PLXNA2: variants seen among roughly 807,000 people sequenced by gnomAD.
The protein encoded by PLXNA2 is plexin A2, also known as plexin-A2.
PLXNA2 carries 91 observed loss-of-function variants against 193.5 expected under a neutral mutation model. That is an observed-to-expected ratio of 0.47 (90% CI 0.40 to 0.56). The LOEUF (loss-of-function observed/expected upper bound fraction) is 0.56. Among genes scored for constraint, PLXNA2 ranks in the 20% least tolerant of loss-of-function variants. The pLI, the probability that PLXNA2 is intolerant of heterozygous loss-of-function variation, is 0.00. For missense variants in PLXNA2, 1,995 were observed against 2,503.2 expected (o/e 0.80, Z 4.33); for synonymous variants, 997 against 1,027.3 (o/e 0.97, Z 0.56).
intron 4 of PLXNA2, among the ~76,000 whole-genome samples, chr1:208,125,797 T>C (rs1667958158): frequency 6.6e-6 from 1 of 152,152 alleles, no homozygotes; most frequent in Admixed American, 6.5e-5. Flanking sequence ...ATAGGCTGCT[T>C]CCAACCTGCA....
At chr1:208,031,235 C>A in intron 29 of PLXNA2, 3 of 1,090,092 alleles carry the variant, frequency 2.8e-6, no homozygotes, top group Non-Finnish European at 3.4e-6. Context: ...CTGCTGCAGG[C>A]TTCAAATGCA....
chr1:208,129,014 T>C (rs913179324), intron 4 of PLXNA2, among the ~76,000 whole-genome samples: 1 of 152,194 alleles, frequency 6.6e-6, no homozygotes, highest in Non-Finnish European at 1.5e-5. Context: ...CTTGAGTACC[T>C]ACTAAGTACC....
chr1:208,095,618 C>T (rs191394034), intron 8 of PLXNA2, among the ~76,000 whole-genome samples: 12 of 152,238 alleles, frequency 7.9e-5, no homozygotes, highest in Non-Finnish European at 1.3e-4. Context: ...TGTGCATAGC[C>T]GAGTCGCTAT....
rs1289521418 is a variant in PLXNA2, at chr1:208,043,716, T to TG, written c.3875-514dup. Among the ~76,000 whole-genome samples the TG allele has an allele frequency of 3.3e-5, 5 of 152,222 alleles. No homozygotes were observed. In the South Asian group the frequency reaches 1.0e-3, roughly 32 times the overall value. On this transcript the variant is annotated intron_variant, in intron 20 of 31. Coordinates refer to ENST00000367033, the MANE Select transcript of PLXNA2 (RefSeq NM_025179.4). The stretch of plus-strand genomic sequence containing the variant: ...CTTGGTGGTGGCACACCTGTCTTCC[T>TG]GGCTCCTTCCTCTGCCAAACTCACC...
At chr1:208,113,900 C>T (rs1399944365) in intron 4 of PLXNA2, among the ~76,000 whole-genome samples, 1 of 152,016 alleles carries the variant, frequency 6.6e-6, no homozygotes, top group Admixed American at 6.6e-5. Flanking sequence ...CCTTTTTAAG[C>T]ATAGAAGGTG....
intron 1 of PLXNA2, among the ~76,000 whole-genome samples, chr1:208,225,482 AT>A (rs1671480612): frequency 6.6e-6 from 1 of 152,036 alleles, no homozygotes; most frequent in East Asian, 1.9e-4. Context: ...GCTAATTTTT[AT>A]TTTTATTTTT....
rs1664970521 is a variant in PLXNA2, at chr1:208,044,092, T to C, written c.3874+416A>G. ...CCCTGGGGGAGATGAGGCAGGTGCT[T>C]GTCTGCCTTTGCTGCCGCTGCTCCC... On this transcript the variant is annotated intron_variant, in intron 20 of 31. Transcript: ENST00000367033. The surrounding 1 kb of genome is among the most constrained non-coding windows in gnomAD (Gnocchi z 4.9). Among the ~76,000 whole-genome samples, 1 of 152,178 alleles carries C rather than the reference T, an allele frequency of 6.6e-6. No individual in the cohort carries two copies. Among genetic ancestry groups the C allele is most frequent in the Non-Finnish European group, 1.5e-5 (1 of 68,038 alleles).
intron 5 of PLXNA2, among the ~76,000 whole-genome samples, chr1:208,102,852 T>C (rs1667140004): frequency 6.6e-6 from 1 of 152,212 alleles, no homozygotes; most frequent in African/African-American, 2.4e-5. Flanking sequence ...AAGACTACAG[T>C]ATCCCTTGTG....
At chr1:208,131,628 G>T (rs909531314) in intron 4 of PLXNA2, among the ~76,000 whole-genome samples, 1 of 152,074 alleles carries the variant, frequency 6.6e-6, no homozygotes, top group African/African-American at 2.4e-5. Context: ...TCTTACTTAG[G>T]GCCAGGGATT....
chr1:208,105,155 T>A (rs4844405), intron 4 of PLXNA2, among the ~76,000 whole-genome samples: 2 of 152,162 alleles, frequency 1.3e-5, no homozygotes, highest in African/African-American at 4.8e-5. Context: ...AGATCCTTCC[T>A]GGAGGGTGGC....
intron 11 of PLXNA2, among the ~76,000 whole-genome samples, chr1:208,080,124 T>C (rs1230343470): frequency 2.6e-5 from 4 of 152,066 alleles, no homozygotes; most frequent in Non-Finnish European, 5.9e-5. Context: ...TCTGGCAAAC[T>C]GGAAATTGCA....
intron 4 of PLXNA2, among the ~76,000 whole-genome samples, chr1:208,120,807 A>G (rs897909099): frequency 6.6e-6 from 1 of 152,122 alleles, no homozygotes; most frequent in African/African-American, 2.4e-5. Flanking sequence ...GCCCTCTTAT[A>G]ATGTCTGTGA....
At chr1:208,234,589 A>T (rs1671794460) in intron 1 of PLXNA2, among the ~76,000 whole-genome samples, 1 of 152,222 alleles carries the variant, frequency 6.6e-6, no homozygotes, top group Middle Eastern at 3.4e-3. Flanking sequence ...CAGTGCTACC[A>T]AGGATCTGAT....
intron 4 of PLXNA2, among the ~76,000 whole-genome samples, chr1:208,128,695 C>CTTTTTTTTTTTT (rs34853346): frequency 2.4e-5 from 2 of 81,674 alleles, no homozygotes; most frequent in African/African-American, 4.6e-5. Flanking sequence ...CTGTTTCTTT[C>CTTTTTTTTTTTT]TTTTTTTTTT....
chr1:208,153,791 G>A (rs1473976644), intron 3 of PLXNA2, among the ~76,000 whole-genome samples: 6 of 152,306 alleles, frequency 3.9e-5, no homozygotes, highest in African/African-American at 1.4e-4. Context: ...CCAGCCCAGG[G>A]GTACCCTGTG....
At position 208,119,869 on chromosome 1, in the gene PLXNA2, C is replaced by T. The variant is rs903236496; in HGVS notation, c.1507-16622G>A. Reference sequence around the variant, plus strand: ...ATCTCAAGTGATCCACCTGCCTAGCCTCCCAAAGTGCTGGGATTACAGGCA... The same window carrying T: ...ATCTCAAGTGATCCACCTGCCTAGCTTCCCAAAGTGCTGGGATTACAGGCA... On this transcript the variant is annotated intron_variant, in intron 4 of 31. Transcript: ENST00000367033. Among the ~76,000 whole-genome samples, 28 of 152,254 alleles carry T rather than the reference C, an allele frequency of 1.8e-4. 1 individual carries two copies. The highest frequency in any genetic ancestry group is 8.5e-4 in the Admixed American group (13 of 15,292).
intron 4 of PLXNA2, among the ~76,000 whole-genome samples, chr1:208,104,845 T>A (rs368360255): frequency 5.9e-5 from 9 of 152,248 alleles, no homozygotes; most frequent in African/African-American, 2.2e-4. Context: ...TGCAGGGAGA[T>A]GAGTGTAAAA....
At chr1:208,052,298 C>A in intron 15 of PLXNA2, 29 bp downstream of exon 15, 1 of 1,609,100 alleles carries the variant, frequency 6.2e-7, no homozygotes, top group East Asian at 2.2e-5. Flanking sequence ...GATGTGCAGT[C>A]TTCTGGTGGC....
intron 9 of PLXNA2, among the ~76,000 whole-genome samples, chr1:208,087,555 C>T (rs1289569331): frequency 6.6e-6 from 1 of 152,286 alleles, no homozygotes; most frequent in East Asian, 1.9e-4. Flanking sequence ...ATGTCTTATG[C>T]TTTGTTTCTT....
Sources: gnomAD v4.1 joint callset for allele counts (sites outside exome capture counted in the v4.1 genomes callset) on GRCh38, gnomAD v4.1.1 for gene constraint, Gnocchi (gnomAD v3.1) non-coding constraint, MANE v1.5 for transcripts, NCBI Gene and HGNC (gene_info 2026-07-23, HGNC 2026-07-21) for gene names.